Variants in ADAM32 observed in about 807,000 individuals in gnomAD.
ADAM32 encodes ADAM metallopeptidase domain 32.
A neutral mutation model predicts 114.9 loss-of-function variants in ADAM32; 89 were observed. The observed-to-expected ratio is 0.77, with a 90% CI of 0.65 to 0.92. The LOEUF is 0.92. Ranked by LOEUF, ADAM32 falls within the 40% of genes least tolerant of loss-of-function variation. ADAM32 has a pLI of 0.00. For missense variants in ADAM32, 870 were observed against 932.8 expected (o/e 0.93, Z 0.88); for synonymous variants, 285 against 307.5 (o/e 0.93, Z 0.77).
intron 10 of ADAM32, among the ~76,000 whole-genome samples, chr8:39,174,177 A>G (rs1805369379): frequency 6.6e-6 from 1 of 152,208 alleles, no homozygotes; most frequent in Non-Finnish European, 1.5e-5. Flanking sequence ...AATTTTCTGC[A>G]TATGGCTAGC....
intron 1 of ADAM32, among the ~76,000 whole-genome samples, chr8:39,109,010 C>T (rs1194091840): frequency 6.6e-6 from 1 of 152,158 alleles, no homozygotes; most frequent in Non-Finnish European, 1.5e-5. Context: ...AGGCCATAAC[C>T]AAATACTGTC....
At chr8:39,202,156 A>G (rs1342468378) in intron 11 of ADAM32, among the ~76,000 whole-genome samples, 1 of 152,188 alleles carries the variant, frequency 6.6e-6, no homozygotes, top group Admixed American at 6.5e-5. Flanking sequence ...TGAGTTAGGG[A>G]GGATACCCTC....
At chr8:39,180,458 G>A (rs1265838866) in intron 10 of ADAM32, among the ~76,000 whole-genome samples, 2 of 152,210 alleles carry the variant, frequency 1.3e-5, no homozygotes, top group Non-Finnish European at 2.9e-5. Context: ...GACGAGCGCT[G>A]CCCCCTGCTC....
At chr8:39,270,830 C>A in intron 19 of ADAM32, 46 bp from the exon 20 acceptor site, 1 of 1,506,480 alleles carries the variant, frequency 6.6e-7, no homozygotes, top group South Asian at 1.2e-5. Context: ...ATGAAGTTGG[C>A]AAGTTTTCTA....
rs1438527407 is a variant in ADAM32 at position 39,151,359 on chromosome 8, G to A, written c.354-18G>A. The stretch of plus-strand genomic sequence containing the variant: ...GATTTGATTAAAAGCACTTAAAATT[G>A]TATTCATAATTTCACAGAGGAATAC... On this transcript the variant is annotated intron_variant, in intron 5 of 24. Coordinates refer to ENST00000379907, the MANE Select transcript of ADAM32 (RefSeq NM_145004.7). 8 of 1,548,996 alleles carry A rather than the reference G, an allele frequency of 5.2e-6. No individual in the cohort carries two copies. Among genetic ancestry groups the A allele is most frequent in the Non-Finnish European group, 6.9e-6 (8 of 1,152,140 alleles).
intron 12 of ADAM32, among the ~76,000 whole-genome samples, chr8:39,220,150 T>C (rs1808853767): frequency 6.6e-6 from 1 of 152,210 alleles, no homozygotes; most frequent in African/African-American, 2.4e-5. Context: ...TTTGGTACCA[T>C]TAAGTCTTCT....
intron 18 of ADAM32, 113 bp from the exon 19 acceptor site, chr8:39,257,074 T>G (rs899484548): frequency 4.6e-6 from 5 of 1,076,478 alleles, no homozygotes; most frequent in Non-Finnish European, 6.4e-6. Context: ...TTTTTCCATG[T>G]TCCTTGAATA....
intron 2 of ADAM32, among the ~76,000 whole-genome samples, chr8:39,121,341 A>G (rs1205915359): frequency 6.6e-6 from 1 of 152,174 alleles, no homozygotes. Flanking sequence ...TCTGGCTTCA[A>G]ACATGCATCA....
At chr8:39,169,592 G>C (rs1805065114) in intron 9 of ADAM32, 1 of 180,364 alleles carries the variant, frequency 5.5e-6, no homozygotes, top group South Asian at 1.8e-4. Context: ...ATTTGTCACT[G>C]TCACTCAACA....
intron 22 of ADAM32, among the ~76,000 whole-genome samples, chr8:39,276,832 C>G (rs1813104238): frequency 6.6e-6 from 1 of 152,142 alleles, no homozygotes; most frequent in Non-Finnish European, 1.5e-5. Flanking sequence ...GCCCAGCGAG[C>G]CTCAGTGACC....
At chr8:39,270,138 A>T (rs1812620612) in intron 19 of ADAM32, among the ~76,000 whole-genome samples, 1 of 152,124 alleles carries the variant, frequency 6.6e-6, no homozygotes, top group Non-Finnish European at 1.5e-5. Flanking sequence ...TTAAGATGAG[A>T]TTTGGGTGGG....
intron 11 of ADAM32, among the ~76,000 whole-genome samples, chr8:39,209,349 G>A (rs572151399): frequency 2.6e-5 from 4 of 152,018 alleles, no homozygotes; most frequent in Admixed American, 2.6e-4. Flanking sequence ...TCTTTGTTAA[G>A]TATCTCTGAT....
chr8:39,169,673 G>A (rs1805070544), intron 9 of ADAM32: 1 of 321,232 alleles, frequency 3.1e-6, no homozygotes, highest in African/African-American at 2.1e-5. Flanking sequence ...GAACACTAAA[G>A]GCATTAAAAA....
At chr8:39,175,067 C>G (rs755126283) in intron 10 of ADAM32, among the ~76,000 whole-genome samples, 1 of 152,118 alleles carries the variant, frequency 6.6e-6, no homozygotes, top group Non-Finnish European at 1.5e-5. Flanking sequence ...TGCATATTAG[C>G]TTAAGGAGCT....
chr8:39,181,106 C>T (rs931517582), intron 10 of ADAM32, among the ~76,000 whole-genome samples: 1 of 152,230 alleles, frequency 6.6e-6, no homozygotes, highest in Non-Finnish European at 1.5e-5. Context: ...AAGCAGGCTG[C>T]CCTAGCCAGC....
chr8:39,211,185 G>A lies in ADAM32; in HGVS notation c.1094G>A (p.Arg365Lys), dbSNP rs930173222. ...GVKTFSSCSL[R>K]SFQNFISNVG... ...AAGACTTTTAGCAGTTGCAGTTTGA[G>A]GAGCTTTCAAAATTTCATTTCAAAT... Residue 365 changes from arginine (R) to lysine (K), a missense_variant, in exon 12 of 25, where the codon AGG (arginine) becomes AAG (lysine). Transcript: ENST00000379907. 1 of 1,604,520 alleles carries A rather than the reference G, an allele frequency of 6.2e-7. No individual in the cohort carries two copies. The highest frequency in any genetic ancestry group is 8.5e-7 in the Non-Finnish European group (1 of 1,176,270).
chr8:39,220,051 A>C (rs1402211040), intron 12 of ADAM32, among the ~76,000 whole-genome samples: 1 of 152,116 alleles, frequency 6.6e-6, no homozygotes, highest in Admixed American at 6.6e-5. Context: ...TGGGGTATTA[A>C]AGTTCTCCAC....
intron 12 of ADAM32, among the ~76,000 whole-genome samples, chr8:39,213,108 T>C (rs1808337914): frequency 6.6e-6 from 1 of 152,216 alleles, no homozygotes; most frequent in Admixed American, 6.5e-5. Context: ...TCTGTAATGA[T>C]TAAGTCAAGG....
At chr8:39,238,394 A>G (rs1810335696) in intron 16 of ADAM32, among the ~76,000 whole-genome samples, 1 of 152,236 alleles carries the variant, frequency 6.6e-6, no homozygotes, top group South Asian at 2.1e-4. Context: ...CACAACATCA[A>G]GGGATTACCC....
Sources: gnomAD v4.1 joint callset for allele counts (sites outside exome capture counted in the v4.1 genomes callset) on GRCh38, gnomAD v4.1.1 for gene constraint, MANE v1.5 for transcripts, NCBI Gene and HGNC (gene_info 2026-07-23, HGNC 2026-07-21) for gene names.